BLOC1S3: variants seen among roughly 807,000 people sequenced by gnomAD.
BLOC1S3 encodes the protein biogenesis of lysosome-related organelles complex 1 subunit 3.
A neutral mutation model predicts 9.1 loss-of-function variants in BLOC1S3; 7 were observed. The observed-to-expected ratio is 0.77, with a 90% CI of 0.44 to 1.45. The LOEUF is 1.45. Among genes scored for constraint, BLOC1S3 ranks in the 40% most tolerant of loss-of-function variants. The pLI is 0.01. For synonymous variants in BLOC1S3, 145 were observed against 158.4 expected, an observed-to-expected ratio of 0.92 and a Z score of 0.64; for missense variants, 307 against 315.2, an observed-to-expected ratio of 0.97 and a Z score of 0.20.
exon 3 of BLOC1S3, chr19:45,202,433 C>A: frequency 6.4e-6 from 1 of 155,308 alleles, no homozygotes; most frequent in South Asian, 1.8e-4. Context: ...CACCACTGCT[C>A]CAGGCCCATG....
chr19:45,201,450 C>T (rs1031444667), intron 2 of BLOC1S3, among the ~76,000 whole-genome samples: 1 of 152,138 alleles, frequency 6.6e-6, no homozygotes, highest in East Asian at 1.9e-4. Flanking sequence ...AGGTCTCACC[C>T]AGGGCCCGTG....
chr19:45,195,083 G>T (rs1969637049), intron 2 of BLOC1S3, among the ~76,000 whole-genome samples: 1 of 151,916 alleles, frequency 6.6e-6, no homozygotes. Context: ...GCATGCGCCA[G>T]CACGTAGTAG....
At position 45,196,200 on chromosome 19, in the gene BLOC1S3, A is replaced by AT. The variant is rs79860279; in HGVS notation, n.181-6197dup. Reference sequence around the variant, plus strand: ...GTGCTACTTTATTTTTTAATTTTTTATTTTTTTTTGAGACAGGATCTCATT... The same window carrying AT: ...GTGCTACTTTATTTTTTAATTTTTTATTTTTTTTTTGAGACAGGATCTCATT... On this transcript the variant is annotated intron_variant and non_coding_transcript_variant, in intron 2 of 3. Coordinates refer to the BLOC1S3 transcript ENST00000591569. Among the ~76,000 whole-genome samples, 1,277 of 151,140 alleles carry AT rather than the reference A, an allele frequency of 8.4e-3. 1 individual carries two copies. Among genetic ancestry groups the AT allele is most frequent in the Non-Finnish European group, 0.013 (863 of 67,708 alleles).
intron 3 of BLOC1S3, among the ~76,000 whole-genome samples, chr19:45,212,282 C>T (rs1212607196): frequency 1.3e-5 from 2 of 152,228 alleles, no homozygotes; most frequent in Non-Finnish European, 2.9e-5. Context: ...GAGCCCAGCC[C>T]GGCCTTGGGT....
At position 45,179,905 on chromosome 19, in the gene BLOC1S3, G is replaced by A. The variant is rs142688123; in HGVS notation, c.609G>A (p.Ter203=). The change falls in exon 2 of 2, where the codon TAG becomes TAA. Residue 203 remains the stop codon, a stop_retained_variant. Transcript: ENST00000433642. This position sits in a 1 kb window ranked among gnomAD's most constrained non-coding sequence, Gnocchi z 4.6. ...AGAAAGACCCGGGGCCGCGGGCCTA[G>A]CCATGATTCTACTTCCCAACCTGAC... is the stretch of plus-strand genomic sequence containing the variant. The part of the protein sequence containing the change: ...EPEKDPGPRA[*] The A allele has an allele frequency of 6.8e-4, 1,101 of 1,607,728 alleles. 6 individuals carry two copies. The African/African-American group carries it at 0.012, about 17-fold the overall frequency.
At chr19:45,216,146 C>T (rs1250439998) in intron 3 of BLOC1S3, 11 of 1,613,930 alleles carry the variant, frequency 6.8e-6, no homozygotes, top group Non-Finnish European at 9.3e-6. Context: ...AGCTGCATGA[C>T]TTCAGCCAAA....
rs1969463076 is a variant in BLOC1S3 at position 45,179,051 on chromosome 19, G to GC, written c.-10+224dup. Among the ~76,000 whole-genome samples the GC allele has an allele frequency of 6.6e-6, 1 of 152,210 alleles. No homozygotes were observed. Among genetic ancestry groups the GC allele is most frequent in the South Asian group, 2.1e-4 (1 of 4,832 alleles). On this transcript the variant is annotated intron_variant, in intron 1 of 1. Transcript: ENST00000433642. The surrounding 1 kb of genome is among the most constrained non-coding windows in gnomAD (Gnocchi z 4.6). ...TCGGCTTGGGACTCCGGGAACTCGG[G>GC]CCCCAGATCCTTGTTCGAGCTGGTC... is the stretch of plus-strand genomic sequence containing the variant.
In BLOC1S3 at chr19:45,202,751, G is replaced by A. The variant is rs558213262; in HGVS notation, n.282+244G>A. 3.6e-4 allele frequency among the ~76,000 whole-genome samples: 55 copies of A among 152,222 alleles called. 1 individual carries two copies. In the South Asian group the frequency reaches 0.011, roughly 30 times the overall value. On this transcript the variant is annotated intron_variant and non_coding_transcript_variant, in intron 3 of 3. Transcript: ENST00000591569. Reference sequence around the variant, plus strand: ...GGGCCACCACAGCTGGGAATGCGCTGGGTCACACCTGAAATCAGCACGGCA... The same window carrying A: ...GGGCCACCACAGCTGGGAATGCGCTAGGTCACACCTGAAATCAGCACGGCA...
chr19:45,186,294 T>C (rs147086692), downstream of BLOC1S3, among the ~76,000 whole-genome samples: 1,048 of 152,300 alleles, frequency 6.9e-3, 9 homozygotes, highest in Middle Eastern at 0.017. Context: ...ATTGGACTTC[T>C]GTTGTCACTG....
chr19:45,195,599 C>CTCCTTCCT (rs1008908076), intron 2 of BLOC1S3, among the ~76,000 whole-genome samples: 26 of 146,932 alleles, frequency 1.8e-4, no homozygotes, highest in African/African-American at 6.0e-4. Context: ...CCCTTCCTCC[C>CTCCTTCCT]TCCTTCCTTC....
chr19:45,216,532 C>T (rs10415392), intron 3 of BLOC1S3: 30,866 of 175,126 alleles, frequency 0.18, 3,860 homozygotes, highest in African/African-American at 0.38. Flanking sequence ...TGAGCGGAGA[C>T]TGCACCACTG....
intron 3 of BLOC1S3, among the ~76,000 whole-genome samples, chr19:45,209,160 T>A (rs554040334): frequency 3.4e-4 from 51 of 151,854 alleles, no homozygotes; most frequent in Non-Finnish European, 5.9e-4. Flanking sequence ...ACCATTCTCC[T>A]GCCTCAGCCT....
intron 3 of BLOC1S3, among the ~76,000 whole-genome samples, chr19:45,207,555 CAAAAAAA>C (rs58164218): frequency 4.0e-4 from 26 of 64,780 alleles, no homozygotes; most frequent in Non-Finnish European, 5.0e-4. Context: ...GACTCTGTCT[CAAAAAAA>C]AAAAAAAAAA....
rs908384591 is a variant in BLOC1S3, at chr19:45,180,131, C to CGATCCTGACCCTG, written c.*227_*239dup. On this transcript the variant is annotated 3_prime_UTR_variant, in exon 2 of 2. Transcript: ENST00000433642. ...CTATCCTTAGATCTGGTTCCTCTCC[C>CGATCCTGACCCTG]GATCCTGACCCTGCCGCCTGGTTCT... 8.4e-6 allele frequency: 4 copies of CGATCCTGACCCTG among 475,994 alleles called. No individual in the cohort carries two copies. The highest frequency in any genetic ancestry group is 1.1e-5 in the Non-Finnish European group (3 of 267,674). 29.5% of individuals were successfully genotyped at this position (475,994 alleles called of 1,614,324 possible).
intron 3 of BLOC1S3, chr19:45,202,553 C>G (rs1449321146): frequency 6.6e-6 from 1 of 152,380 alleles, no homozygotes; most frequent in African/African-American, 2.4e-5. Context: ...GAAGACAGCT[C>G]CCCTCTAGCC....
intron 2 of BLOC1S3, among the ~76,000 whole-genome samples, chr19:45,196,343 A>C (rs1376672834): frequency 6.6e-6 from 1 of 152,160 alleles, no homozygotes; most frequent in Non-Finnish European, 1.5e-5. Context: ...GCACCAGTGC[A>C]GTCTAGCCTG....
rs1317499439 is a variant in BLOC1S3 at position 45,179,731 on chromosome 19, G to A, written c.435G>A (p.Arg145=). The A allele has an allele frequency of 6.8e-6, 10 of 1,460,170 alleles. No individual in the cohort carries two copies. Among genetic ancestry groups the A allele is most frequent in the Non-Finnish European group, 9.0e-6 (10 of 1,115,012 alleles). The allele number at this position is 1,460,170 out of a possible 1,614,324, so 90.5% of individuals were successfully genotyped here. The change falls in exon 2 of 2, where the codon AGG becomes AGA. Residue 145 remains arginine, a synonymous_variant. Coordinates refer to ENST00000433642, the MANE Select transcript of BLOC1S3 (RefSeq NM_212550.5). The surrounding 1 kb of genome is among the most constrained non-coding windows in gnomAD (Gnocchi z 4.6). ...AGRDVAALAS[R]LAAAQAAGLA... ...GCGACGTGGCCGCCCTGGCTAGTAG[G>A]CTGGCGGCAGCCCAGGCGGCGGGGC...
intron 3 of BLOC1S3, among the ~76,000 whole-genome samples, chr19:45,207,566 A>T (rs1969736847): frequency 1.3e-5 from 2 of 148,514 alleles, no homozygotes; most frequent in South Asian, 4.2e-4. Flanking sequence ...AAAAAAAAAA[A>T]AAAAAAAAAA....
At chr19:45,182,704 G>C (rs964937602), downstream of BLOC1S3, among the ~76,000 whole-genome samples, 2 of 152,094 alleles carry the variant, frequency 1.3e-5, no homozygotes, top group African/African-American at 4.8e-5. Flanking sequence ...ATAAAATAGA[G>C]ACGAGCTCTC....
Sources: gnomAD v4.1 joint callset for allele counts (sites outside exome capture counted in the v4.1 genomes callset) on GRCh38, gnomAD v4.1.1 for gene constraint, Gnocchi (gnomAD v3.1) non-coding constraint, MANE v1.5 for transcripts, NCBI Gene and HGNC (gene_info 2026-07-23, HGNC 2026-07-21) for gene names.